PDCD5: variants seen among roughly 807,000 people sequenced by gnomAD.
PDCD5 encodes programmed cell death protein 5.
Under a neutral mutation model 21.9 loss-of-function variants are expected in PDCD5, and 23 were observed. The ratio of observed to expected loss-of-function variants is 1.05; its 90% CI spans 0.76 to 1.49. The LOEUF (loss-of-function observed/expected upper bound fraction) is 1.49. Ranked by LOEUF, PDCD5 falls within the 40% of genes most tolerant of loss-of-function variation. The pLI is 0.00. For synonymous variants in PDCD5, 45 were observed against 49.4 expected (o/e 0.91, Z 0.37); for missense variants, 152 against 147.7 (o/e 1.03, Z -0.15).
chr19:32,582,681 G>A (rs958065247), intron 2 of PDCD5, among the ~76,000 whole-genome samples: 3 of 152,150 alleles, frequency 2.0e-5, no homozygotes, highest in Non-Finnish European at 2.9e-5. Context: ...ACCCTATCAT[G>A]CTATCATTTT....
intron 2 of PDCD5, 113 bp downstream of exon 2, chr19:32,582,345 G>C (rs1445946868): frequency 2.3e-6 from 2 of 864,696 alleles, no homozygotes; most frequent in African/African-American, 3.4e-5. Flanking sequence ...TGCTGGAATG[G>C]TGATTTGGCC....
At position 32,581,811 on chromosome 19, in the gene PDCD5, A is replaced by T. The variant is rs1346395326; in HGVS notation, c.67-384A>T. On this transcript the variant is annotated intron_variant, in intron 1 of 5. Coordinates refer to ENST00000590247, the MANE Select transcript of PDCD5 (RefSeq NM_004708.4). ...CGCCTGGGAAGCTTGGATGGATCAC[A>T]CGCCCGGAGAGGCGTTTCTGATAAG... is the stretch of plus-strand genomic sequence containing the variant. The T allele has an allele frequency of 4.4e-5, 11 of 247,192 alleles. No individual in the cohort carries two copies. In the South Asian group the frequency reaches 7.6e-4, roughly 17 times the overall value. 15.3% of individuals were successfully genotyped at this position (247,192 alleles called of 1,614,324 possible).
intron 4 of PDCD5, chr19:32,586,208 T>G: frequency 6.9e-7 from 1 of 1,443,814 alleles, no homozygotes; most frequent in Non-Finnish European, 9.0e-7. Flanking sequence ...TAACACCAAT[T>G]AAAATACTAC....
At chr19:32,582,570 G>A (rs1172050793) in intron 2 of PDCD5, among the ~76,000 whole-genome samples, 1 of 152,190 alleles carries the variant, frequency 6.6e-6, no homozygotes, top group African/African-American at 2.4e-5. Flanking sequence ...AGTGTTAACT[G>A]GTAAGCTATT....
Position 32,586,060 on chromosome 19 carries a change from A to C in PDCD5, c.258+153A>C, listed in dbSNP as rs767860233. ...AATAGTCATACCTACTTTAAAAGAGAATAAATTGCCTTTCCTAAATTCCTC... is the reference window on the plus strand; with the variant it reads ...AATAGTCATACCTACTTTAAAAGAGCATAAATTGCCTTTCCTAAATTCCTC... On this transcript the variant is annotated intron_variant, in intron 4 of 5. Coordinates refer to ENST00000590247, the MANE Select transcript of PDCD5 (RefSeq NM_004708.4). 4.7e-5 allele frequency: 74 copies of C among 1,561,388 alleles called. 1 individual carries two copies. The highest frequency in any genetic ancestry group is 4.7e-5 in the Non-Finnish European group (54 of 1,152,396).
In PDCD5 at chr19:32,585,072, G is replaced by C. The variant is rs370017465; in HGVS notation, c.166+61G>C. ...TTGAGTTAGTTGAATGGGGTGATTA[G>C]ATACCATTATTGCTATCACTAGATG... is the stretch of plus-strand genomic sequence containing the variant. On this transcript the variant is annotated intron_variant, in intron 3 of 5. Coordinates refer to ENST00000590247, the MANE Select transcript of PDCD5 (RefSeq NM_004708.4). The C allele has an allele frequency of 5.0e-4, 558 of 1,126,664 alleles. 2 individuals are homozygous for C. Among genetic ancestry groups the C allele is most frequent in the Middle Eastern group, 3.2e-3 (16 of 5,070 alleles). The allele number at this position is 1,126,664 out of a possible 1,614,324, so 69.8% of individuals were successfully genotyped here.
intron 2 of PDCD5, among the ~76,000 whole-genome samples, chr19:32,583,003 G>A (rs993883522): frequency 1.3e-5 from 2 of 152,162 alleles, no homozygotes; most frequent in African/African-American, 2.4e-5. Flanking sequence ...GATTTCTGCC[G>A]TGTACATCTT....
chr19:32,585,860 G>C lies in PDCD5; in HGVS notation c.211G>C (p.Glu71Gln), dbSNP rs774271796. ...AAAGCCTGAAAAAACTAAAGCAGTA[G>C]AGAATTACCTTATACAGATGGCAAG... The part of the protein sequence containing the change: ...LVKPEKTKAV[E>Q]NYLIQMARYG... Residue 71 changes from glutamate to glutamine, a missense_variant, in exon 4 of 6, where the codon GAG becomes CAG. Glu to Gln is a conservative substitution (Grantham distance 29). Transcript: ENST00000590247. The C allele has an allele frequency of 6.2e-7, 1 of 1,611,466 alleles. No homozygotes were observed. Among genetic ancestry groups the C allele is most frequent in the East Asian group, 2.2e-5 (1 of 44,864 alleles).
At chr19:32,582,745 T>C (rs1254747428) in intron 2 of PDCD5, among the ~76,000 whole-genome samples, 1 of 152,248 alleles carries the variant, frequency 6.6e-6, no homozygotes, top group Non-Finnish European at 1.5e-5. Flanking sequence ...TTAAGTGTGC[T>C]CTTCAGTAGT....
Position 32,582,196 on chromosome 19 carries a change from A to C in PDCD5, c.68A>C (p.Asp23Ala). The change falls in exon 2 of 6, where the codon GAT becomes GCT. Residue 23 changes from aspartate to alanine, a missense_variant and splice_region_variant. Asp to Ala is a moderately radical substitution (Grantham distance 126). Coordinates refer to ENST00000590247, the MANE Select transcript of PDCD5 (RefSeq NM_004708.4). ...RLAELQAKHG[D>A]PGDAAQQEAK... ...TAAATTTAAGTTTTTTTTTTCCAGG[A>C]TCCTGGTGATGCGGCCCAACAGGAA... 1 of 1,611,148 alleles carries C rather than the reference A, an allele frequency of 6.2e-7. No individual in the cohort carries two copies. The highest frequency in any genetic ancestry group is 8.5e-7 in the Non-Finnish European group (1 of 1,178,206).
chr19:32,582,952 T>G (rs1200047606), intron 2 of PDCD5, among the ~76,000 whole-genome samples: 1 of 152,168 alleles, frequency 6.6e-6, no homozygotes, highest in African/African-American at 2.4e-5. Context: ...GTGAGAAGTA[T>G]CTGGAGTAGT....
chr19:32,584,743 C>G, intron 2 of PDCD5: 1 of 568,922 alleles, frequency 1.8e-6, no homozygotes, highest in Non-Finnish European at 3.1e-6. Flanking sequence ...AGGTTGTCAC[C>G]TGTGTAATAT....
chr19:32,582,040 C>G (rs925988780), intron 1 of PDCD5, among the ~76,000 whole-genome samples, 155 bp from the exon 2 acceptor site: 1 of 152,150 alleles, frequency 6.6e-6, no homozygotes, highest in African/African-American at 2.4e-5. Context: ...TAAGTGGGAA[C>G]TAGTTCATTG....
intron 2 of PDCD5, among the ~76,000 whole-genome samples, chr19:32,583,247 A>G (rs1471729527): frequency 6.6e-6 from 1 of 152,094 alleles, no homozygotes; most frequent in Non-Finnish European, 1.5e-5. Context: ...GGCCAGGTGC[A>G]TGCAAGCTTT....
intron 4 of PDCD5, 101 bp downstream of exon 4, chr19:32,586,008 T>C: frequency 6.2e-7 from 1 of 1,608,342 alleles, no homozygotes. Flanking sequence ...GAATTCTTGC[T>C]GACTCTCAGA....
At chr19:32,587,193 G>A (rs926211994) in intron 5 of PDCD5, 60 bp from the exon 6 acceptor site, 12 of 1,312,784 alleles carry the variant, frequency 9.1e-6, no homozygotes, top group African/African-American at 7.3e-5. Context: ...ATCTTTTCTC[G>A]GAAAATCTGA....
At position 32,581,245 on chromosome 19, in the gene PDCD5, A is replaced by G; in HGVS notation, c.-17A>G. Reference sequence around the variant, plus strand: ...CTGCGAGAGTGACCGCGGCTGCTCCAGCGCTGACGCCGAGCCATGGCGGAC... The same window carrying G: ...CTGCGAGAGTGACCGCGGCTGCTCCGGCGCTGACGCCGAGCCATGGCGGAC... On this transcript the variant is annotated 5_prime_UTR_variant, in exon 1 of 6. Coordinates refer to ENST00000590247, the MANE Select transcript of PDCD5 (RefSeq NM_004708.4). 2.0e-6 allele frequency: 3 copies of G among 1,499,404 alleles called. No individual in the cohort carries two copies. Among genetic ancestry groups the G allele is most frequent in the South Asian group, 1.3e-5 (1 of 79,418 alleles). 92.9% of individuals were successfully genotyped at this position (1,499,404 alleles called of 1,614,324 possible). A position where few individuals can be genotyped will look rare whatever the true frequency, so the allele number is the denominator to read the frequency against.
chr19:32,585,236 A>G (rs1971464949), intron 3 of PDCD5, among the ~76,000 whole-genome samples: 1 of 152,220 alleles, frequency 6.6e-6, no homozygotes, highest in South Asian at 2.1e-4. Context: ...TGTATTAGGT[A>G]AGATTTATAG....
chr19:32,586,437 G>A (rs1971477134), intron 4 of PDCD5: 2 of 1,125,124 alleles, frequency 1.8e-6, no homozygotes, highest in African/African-American at 3.2e-5. Flanking sequence ...CTGCTTGTGT[G>A]GGAGAGAGCT....
Sources: allele counts gnomAD v4.1 joint callset (sites outside exome capture counted in the v4.1 genomes callset), GRCh38; gene constraint gnomAD v4.1.1; transcripts MANE v1.5; gene names NCBI Gene and HGNC (gene_info 2026-07-23, HGNC 2026-07-21).